Variants in PPP6R3 observed in about 807,000 individuals in gnomAD.
PPP6R3 encodes the protein serine/threonine-protein phosphatase 6 regulatory subunit 3.
PPP6R3 carries 38 observed loss-of-function variants against 110.7 expected under a neutral mutation model. That is an observed-to-expected ratio of 0.34 (90% CI 0.26 to 0.45). The LOEUF (loss-of-function observed/expected upper bound fraction) is 0.45. PPP6R3 is among the 20% of genes least tolerant of loss of function. PPP6R3 has a pLI of 1.00. For synonymous variants in PPP6R3, 369 were observed against 373.5 expected, an observed-to-expected ratio of 0.99 and a Z score of 0.14; for missense variants, 870 against 1,062.4, an observed-to-expected ratio of 0.82 and a Z score of 2.52.
intron 1 of PPP6R3, among the ~76,000 whole-genome samples, chr11:68,494,765 C>G (rs2099006011): frequency 6.6e-6 from 1 of 152,044 alleles, no homozygotes; most frequent in East Asian, 1.9e-4. Context: ...TTGTTTTAAT[C>G]TCTGTACTTC....
At chr11:68,564,559 T>C (rs2099449741) in intron 9 of PPP6R3, 127 bp downstream of exon 9, 2 of 1,013,372 alleles carry the variant, frequency 2.0e-6, no homozygotes, top group African/African-American at 1.6e-5. Context: ...AGTGAAAAGA[T>C]AACACTGCCA....
At chr11:68,471,741 T>G (rs1288039269) in intron 1 of PPP6R3, among the ~76,000 whole-genome samples, 1 of 152,062 alleles carries the variant, frequency 6.6e-6, no homozygotes, top group Non-Finnish European at 1.5e-5. Context: ...CTCCAGAGGA[T>G]GAATGACATG....
At chr11:68,538,302 C>G (rs927252315) in intron 3 of PPP6R3, among the ~76,000 whole-genome samples, 3 of 152,160 alleles carry the variant, frequency 2.0e-5, no homozygotes, top group African/African-American at 7.2e-5. Flanking sequence ...CTTTCATTCA[C>G]TGAAAGTAAA....
intron 3 of PPP6R3, among the ~76,000 whole-genome samples, chr11:68,544,398 T>C (rs1239587648): frequency 6.6e-6 from 1 of 152,180 alleles, no homozygotes; most frequent in Non-Finnish European, 1.5e-5. Context: ...GTGCCTTAAG[T>C]CATTACAAGG....
At chr11:68,525,007 C>CCA (rs999662457) in intron 2 of PPP6R3, among the ~76,000 whole-genome samples, 1 of 152,228 alleles carries the variant, frequency 6.6e-6, no homozygotes, top group Non-Finnish European at 1.5e-5. Flanking sequence ...CAAGCTGAGG[C>CCA]CACACACAGC....
At chr11:68,568,230 C>T (rs1325900322) in intron 10 of PPP6R3, among the ~76,000 whole-genome samples, 3 of 152,128 alleles carry the variant, frequency 2.0e-5, no homozygotes, top group Non-Finnish European at 2.9e-5. Context: ...CTTCTGGGGA[C>T]GTAGTTTTTG....
At chr11:68,504,781 A>G (rs1022507765) in intron 1 of PPP6R3, among the ~76,000 whole-genome samples, 9 of 152,232 alleles carry the variant, frequency 5.9e-5, no homozygotes, top group Non-Finnish European at 1.0e-4. Context: ...TTCTCATCCC[A>G]GCTACACGCA....
chr11:68,585,096 G>A (rs1167479287), intron 15 of PPP6R3, among the ~76,000 whole-genome samples: 1 of 152,196 alleles, frequency 6.6e-6, no homozygotes, highest in African/African-American at 2.4e-5. Context: ...AATTTAACCA[G>A]GTAACCCAGC....
chr11:68,477,745 T>TATATATATATATAG (rs1565285547), intron 1 of PPP6R3, among the ~76,000 whole-genome samples: 2 of 101,130 alleles, frequency 2.0e-5, no homozygotes, highest in Non-Finnish European at 4.1e-5. Flanking sequence ...AAAAAAAATA[T>TATATATATATATAG]ATATATATAT....
chr11:68,517,007 G>C (rs1050273941), intron 1 of PPP6R3, among the ~76,000 whole-genome samples: 10 of 151,930 alleles, frequency 6.6e-5, no homozygotes, highest in Admixed American at 5.9e-4. Flanking sequence ...TTGTGCCAGG[G>C]TCATGCCGTT....
chr11:68,516,619 A>T (rs981451315), intron 1 of PPP6R3, among the ~76,000 whole-genome samples: 2 of 152,168 alleles, frequency 1.3e-5, no homozygotes, highest in Non-Finnish European at 2.9e-5. Flanking sequence ...GGTTGCTTCC[A>T]TGTTTTAGCT....
intron 1 of PPP6R3, among the ~76,000 whole-genome samples, chr11:68,472,773 C>T (rs7106339): frequency 0.23 from 35,240 of 152,066 alleles, 4,335 homozygotes; most frequent in Middle Eastern, 0.34. Flanking sequence ...ACCCCCTCAA[C>T]GACAACAAAA....
intron 15 of PPP6R3, 120 bp from the exon 16 acceptor site, chr11:68,587,807 C>G: frequency 1.1e-6 from 1 of 903,378 alleles, no homozygotes; most frequent in Non-Finnish European, 1.8e-6. Context: ...GAAAAACACA[C>G]CAACTTTTAT....
At chr11:68,524,549 A>T (rs1169977811) in intron 2 of PPP6R3, among the ~76,000 whole-genome samples, 1 of 152,122 alleles carries the variant, frequency 6.6e-6, no homozygotes, top group African/African-American at 2.4e-5. Context: ...GTAATATTAG[A>T]ACTTTCTATT....
chr11:68,497,010 C>T (rs2099020755), intron 1 of PPP6R3, among the ~76,000 whole-genome samples: 2 of 150,798 alleles, frequency 1.3e-5, no homozygotes, highest in Non-Finnish European at 3.0e-5. Context: ...TACAGGTGCC[C>T]ACCTCCACGC....
chr11:68,604,756 A>AT (rs1938526531), intron 22 of PPP6R3, among the ~76,000 whole-genome samples: 1 of 152,254 alleles, frequency 6.6e-6, no homozygotes, highest in African/African-American at 2.4e-5. Flanking sequence ...AACCTTATCT[A>AT]TAACTAGGAA....
chr11:68,505,462 A>G (rs1313202539), intron 1 of PPP6R3, among the ~76,000 whole-genome samples: 1 of 151,960 alleles, frequency 6.6e-6, no homozygotes, highest in Non-Finnish European at 1.5e-5. Flanking sequence ...CTGTGCCTAG[A>G]TTTTTAAAAA....
intron 11 of PPP6R3, among the ~76,000 whole-genome samples, 195 bp from the exon 12 acceptor site, chr11:68,570,845 G>A (rs1173134820): frequency 1.3e-5 from 2 of 152,156 alleles, no homozygotes; most frequent in Admixed American, 6.5e-5. Context: ...TCTGTGGAGG[G>A]TGTGGATCCT....
chr11:68,609,578 A>C (rs1417473888), intron 22 of PPP6R3: 2 of 1,550,772 alleles, frequency 1.3e-6, no homozygotes, highest in Admixed American at 3.9e-5. Flanking sequence ...ACTCTTGTAC[A>C]TTTCTTTTTC....
Sources: allele counts gnomAD v4.1 joint callset (sites outside exome capture counted in the v4.1 genomes callset), GRCh38; gene constraint gnomAD v4.1.1; transcripts MANE v1.5; gene names NCBI Gene and HGNC (gene_info 2026-07-23, HGNC 2026-07-21).